The following CSMD3 variants were observed in gnomAD, a reference collection of about 807,000 sequenced individuals.
CSMD3 encodes CUB and Sushi multiple domains 3.
In CSMD3, 177 loss-of-function variants were observed where a neutral mutation model predicts 435.2. The observed-to-expected ratio is 0.41, with a 90% CI of 0.36 to 0.46. CSMD3 has a LOEUF of 0.46. Among genes scored for constraint, CSMD3 ranks in the 20% least tolerant of loss-of-function variants. CSMD3 has a pLI of 0.34. For missense variants in CSMD3, 4,265 were observed against 4,504.6 expected (o/e 0.95, Z 1.52); for synonymous variants, 1,656 against 1,520.5 (o/e 1.09, Z -2.07).
At position 112,696,018 on chromosome 8, in the gene CSMD3, C is replaced by T. The variant is rs558756088; in HGVS notation, c.1973-5968G>A. ...ATAAAATACCTAAGAATCCAACCTA[C>T]AAGGGATGTGAAGGACCTCTTCAAG... On this transcript the variant is annotated intron_variant, in intron 13 of 70. Coordinates refer to ENST00000297405, the MANE Select transcript of CSMD3 (RefSeq NM_198123.2). Among the ~76,000 whole-genome samples, 19 of 152,232 alleles carry T rather than the reference C, an allele frequency of 1.2e-4. No homozygotes were observed. In the South Asian group the frequency reaches 3.9e-3, roughly 32 times the overall value.
chr8:112,357,536 T>C (rs2201204), intron 38 of CSMD3, among the ~76,000 whole-genome samples: 65,041 of 151,844 alleles, frequency 0.43, 14,537 homozygotes, highest in Middle Eastern at 0.54. Context: ...GGGAAAATGT[T>C]TCCAGGGCAT....
At chr8:112,543,444 T>TA (rs1826865611) in intron 27 of CSMD3, among the ~76,000 whole-genome samples, 1 of 151,986 alleles carries the variant, frequency 6.6e-6, no homozygotes, top group Non-Finnish European at 1.5e-5. Context: ...GGCATTTCTA[T>TA]AAAAAAGGCA....
intron 50 of CSMD3, among the ~76,000 whole-genome samples, chr8:112,306,401 G>T (rs1342259851): frequency 6.6e-6 from 1 of 152,052 alleles, no homozygotes; most frequent in Non-Finnish European, 1.5e-5. Context: ...ATAAATTGAT[G>T]AATCTATACA....
chr8:113,247,357 T>G (rs1234907418), intron 3 of CSMD3, among the ~76,000 whole-genome samples: 1 of 152,138 alleles, frequency 6.6e-6, no homozygotes, highest in Non-Finnish European at 1.5e-5. Flanking sequence ...AGGATGGGCC[T>G]TTTTGATGAG....
At chr8:112,469,509 G>A (rs919937884) in intron 32 of CSMD3, among the ~76,000 whole-genome samples, 1 of 152,158 alleles carries the variant, frequency 6.6e-6, no homozygotes, top group African/African-American at 2.4e-5. Context: ...ACGAGGGACA[G>A]GTTTTGTGAA....
At chr8:113,389,461 A>T (rs1381710930) in intron 1 of CSMD3, among the ~76,000 whole-genome samples, 2 of 151,318 alleles carry the variant, frequency 1.3e-5, no homozygotes, top group Non-Finnish European at 3.0e-5. Flanking sequence ...TTACAAAAAA[A>T]GTGGCTAATG....
intron 32 of CSMD3, among the ~76,000 whole-genome samples, chr8:112,465,301 A>T (rs1479160277): frequency 1.3e-5 from 2 of 152,174 alleles, no homozygotes; most frequent in Admixed American, 6.5e-5. Flanking sequence ...TCCAATTATC[A>T]GATAGTAAAT....
chr8:112,694,890 A>G (rs1161731504), intron 13 of CSMD3, among the ~76,000 whole-genome samples: 1 of 152,172 alleles, frequency 6.6e-6, no homozygotes, highest in East Asian at 1.9e-4. Flanking sequence ...GCGAAGCAGA[A>G]GACGGGTGAT....
At chr8:112,894,150 C>A (rs1222644745) in intron 10 of CSMD3, among the ~76,000 whole-genome samples, 1 of 151,426 alleles carries the variant, frequency 6.6e-6, no homozygotes, top group African/African-American at 2.4e-5. Context: ...TTACTTACCA[C>A]TTCAAGTTCC....
At chr8:112,742,776 T>C (rs1587143103) in intron 13 of CSMD3, among the ~76,000 whole-genome samples, 1 of 152,072 alleles carries the variant, frequency 6.6e-6, no homozygotes, top group East Asian at 1.9e-4. Flanking sequence ...ATATATCCTC[T>C]TTTTTGAGAA....
At chr8:112,538,463 C>T (rs1476561564) in intron 27 of CSMD3, among the ~76,000 whole-genome samples, 1 of 151,954 alleles carries the variant, frequency 6.6e-6, no homozygotes, top group Non-Finnish European at 1.5e-5. Flanking sequence ...AAAGATTCAA[C>T]CAAAATGTTG....
chr8:113,114,366 T>C (rs1386197577), intron 4 of CSMD3, among the ~76,000 whole-genome samples: 2 of 152,038 alleles, frequency 1.3e-5, no homozygotes. Context: ...TCTGAGGAAT[T>C]TGAAAAGGGA....
At chr8:112,557,582 C>T (rs1828235031) in intron 24 of CSMD3, among the ~76,000 whole-genome samples, 1 of 151,892 alleles carries the variant, frequency 6.6e-6, no homozygotes, top group African/African-American at 2.4e-5. Flanking sequence ...ATGATTTAAT[C>T]AATTATGCCT....
intron 4 of CSMD3, among the ~76,000 whole-genome samples, chr8:113,135,316 A>G (rs1041308889): frequency 6.6e-6 from 1 of 152,004 alleles, no homozygotes; most frequent in African/African-American, 2.4e-5. Context: ...GATGCACACA[A>G]TAAAAATAAA....
intron 16 of CSMD3, among the ~76,000 whole-genome samples, chr8:112,677,953 G>A (rs1266418159): frequency 6.6e-6 from 1 of 151,998 alleles, no homozygotes; most frequent in East Asian, 1.9e-4. Context: ...TGTCCATGAA[G>A]GTATTGTATA....
intron 5 of CSMD3, among the ~76,000 whole-genome samples, chr8:113,080,762 T>C (rs1206548458): frequency 1.3e-5 from 2 of 152,202 alleles, no homozygotes; most frequent in African/African-American, 4.8e-5. Context: ...CTGAAATAAA[T>C]AATGCAGACC....
intron 35 of CSMD3, among the ~76,000 whole-genome samples, chr8:112,400,062 A>G (rs766333697): frequency 7.2e-5 from 11 of 152,166 alleles, no homozygotes; most frequent in Non-Finnish European, 1.5e-4. Context: ...GGTTTTTGTT[A>G]CAGTAGCACC....
At chr8:113,302,679 A>G (rs1041444417) in intron 2 of CSMD3, among the ~76,000 whole-genome samples, 7 of 151,772 alleles carry the variant, frequency 4.6e-5, no homozygotes, top group African/African-American at 1.7e-4. Context: ...ATCTCAATAG[A>G]TGCAGAAAAA....
chr8:113,374,284 T>C (rs1275522539), intron 1 of CSMD3, among the ~76,000 whole-genome samples: 1 of 152,082 alleles, frequency 6.6e-6, no homozygotes, highest in African/African-American at 2.4e-5. Flanking sequence ...ATGGCAATGT[T>C]AAGATTTAAA....
Sources: gnomAD v4.1 joint callset for allele counts (sites outside exome capture counted in the v4.1 genomes callset) on GRCh38, gnomAD v4.1.1 for gene constraint, MANE v1.5 for transcripts, NCBI Gene and HGNC (gene_info 2026-07-23, HGNC 2026-07-21) for gene names.